The following WNK3 variants were observed in gnomAD, a reference collection of about 807,000 sequenced individuals.
WNK3 encodes serine/threonine-protein kinase WNK3.
A neutral mutation model predicts 116.7 loss-of-function variants in WNK3; 18 were observed. The observed-to-expected ratio is 0.15, with a 90% CI of 0.11 to 0.23. WNK3 has a LOEUF of 0.23. WNK3 is among the 10% of genes least tolerant of loss of function. The probability of loss-of-function intolerance (pLI) is 1.00; values close to 1 mark genes in which losing one functional copy is unlikely to be tolerated. For synonymous variants in WNK3, 404 were observed against 469.4 expected, an observed-to-expected ratio of 0.86 and a Z score of 1.80; for missense variants, 993 against 1,323.8, an observed-to-expected ratio of 0.75 and a Z score of 3.88.
intron 11 of WNK3, 58 bp downstream of exon 11, chrX:54,259,216 G>A: frequency 1.2e-6 from 1 of 815,781 alleles, no homozygotes; most frequent in Non-Finnish European, 1.8e-6. Context: ...CACCTAATGA[G>A]TAAACAAACT....
chrX:54,278,774 A>G (rs2068479744), intron 10 of WNK3, among the ~76,000 whole-genome samples: 1 of 112,249 alleles, frequency 8.9e-6, no homozygotes, highest in Non-Finnish European at 1.9e-5. Context: ...TCTAACTTAA[A>G]AAAACATTAA....
At position 54,348,166 on chromosome X, in the gene WNK3, G is replaced by A. The variant is rs782202899; in HGVS notation, c.-120+9520C>T. On this transcript the variant is annotated intron_variant, in intron 1 of 23. Coordinates refer to ENST00000354646, the Ensembl canonical transcript of WNK3. ...TGTGTGTGTGTGTATCCCTGAACTA[G>A]AATTGCTAGATCAAAGGAAATTTTT... 2.8e-5 allele frequency among the ~76,000 whole-genome samples: 3 copies of A among 108,596 alleles called. No homozygotes were observed. In the South Asian group the frequency reaches 1.2e-3, roughly 44 times the overall value. The allele number at this position is 108,596 out of a possible 115,157, so 94.3% of individuals were successfully genotyped here.
intron 2 of WNK3, among the ~76,000 whole-genome samples, chrX:54,315,041 A>C (rs1347445292): frequency 9.0e-6 from 1 of 110,584 alleles, no homozygotes; most frequent in East Asian, 2.8e-4. Flanking sequence ...CATGCCTGTA[A>C]TATCAGTACT....
chrX:54,342,864 T>G (rs2069347584), intron 1 of WNK3, among the ~76,000 whole-genome samples: 1 of 109,305 alleles, frequency 9.1e-6, no homozygotes, highest in African/African-American at 3.3e-5. Flanking sequence ...TTTCTTTTTT[T>G]TGAGATAGGG....
intron 1 of WNK3, among the ~76,000 whole-genome samples, chrX:54,355,402 G>A: frequency 9.0e-6 from 1 of 111,017 alleles, no homozygotes; most frequent in Middle Eastern, 4.6e-3. Flanking sequence ...TTTCCTACCT[G>A]CCTCCCAACC....
At chrX:54,335,646 A>T (rs1429359869) in intron 1 of WNK3, among the ~76,000 whole-genome samples, 1 of 112,235 alleles carries the variant, frequency 8.9e-6, no homozygotes, top group Admixed American at 9.5e-5. Context: ...AAGAAAAAAA[A>T]CCTTGAACTA....
rs917116196 is a variant in WNK3 at position 54,253,859 on chromosome X, G to A, written c.2367+100C>T. On this transcript the variant is annotated intron_variant, in intron 13 of 23. Transcript: ENST00000354646. ...TCTGTACAAAATTTTAAAACTAATC[G>A]TACTCTAAAAAACAATGGCTCAAAA... 6.7e-5 allele frequency: 39 copies of A among 580,072 alleles called. No individual in the cohort carries two copies. The Middle Eastern group carries it at 2.4e-3, about 35-fold the overall frequency. The allele number at this position is 580,072 out of a possible 1,213,427, so 47.8% of individuals were successfully genotyped here.
chrX:54,288,888 T>A (rs1391380497), intron 10 of WNK3, among the ~76,000 whole-genome samples: 3 of 112,057 alleles, frequency 2.7e-5, no homozygotes, highest in African/African-American at 9.7e-5. Context: ...TAACTTCTGA[T>A]GTGCAGAGTT....
intron 1 of WNK3, among the ~76,000 whole-genome samples, chrX:54,342,402 C>T (rs1368915651): frequency 9.1e-6 from 1 of 110,356 alleles, no homozygotes; most frequent in African/African-American, 3.3e-5. Flanking sequence ...CCTGTCTTTA[C>T]TAAAAATACA....
At chrX:54,314,779 T>A (rs1191458732) in intron 2 of WNK3, among the ~76,000 whole-genome samples, 1 of 111,392 alleles carries the variant, frequency 9.0e-6, no homozygotes, top group Non-Finnish European at 1.9e-5. Flanking sequence ...TGAGATGCTG[T>A]CTCAAAAAAC....
intron 10 of WNK3, among the ~76,000 whole-genome samples, chrX:54,287,557 T>A (rs2068593962): frequency 8.9e-6 from 1 of 112,203 alleles, no homozygotes; most frequent in South Asian, 3.7e-4. Context: ...TATAATTTCC[T>A]TTTTATAGTG....
At chrX:54,259,119 CA>C (rs58139835) in intron 11 of WNK3, among the ~76,000 whole-genome samples, 154 bp downstream of exon 11, 10,656 of 45,174 alleles carry the variant, frequency 0.24, 1,282 homozygotes, top group African/African-American at 0.47. Context: ...CATAAAAAAG[CA>C]AAAAAAAAAA....
At chrX:54,301,246 A>AC (rs2068755051) in intron 6 of WNK3, among the ~76,000 whole-genome samples, 1 of 108,226 alleles carries the variant, frequency 9.2e-6, no homozygotes, top group Non-Finnish European at 1.9e-5. Flanking sequence ...CTGTCTCAAA[A>AC]AAAAAAAAAA....
rs868951969 is a variant in WNK3 at position 54,345,275 on chromosome X, T to A, written c.-119-11483A>T. On this transcript the variant is annotated intron_variant, in intron 1 of 23. Transcript: ENST00000354646. ...CAACAACAACAACAACAACAACAACTATATATATATGTATGTATGTATGTA... is the reference window on the plus strand; with the variant it reads ...CAACAACAACAACAACAACAACAACAATATATATATGTATGTATGTATGTA... Among the ~76,000 whole-genome samples the A allele has an allele frequency of 1.5e-3, 96 of 65,166 alleles. 1 individual carries two copies. The highest frequency in any genetic ancestry group is 4.1e-3 in the African/African-American group (75 of 18,382). The allele number at this position is 65,166 out of a possible 115,157, so 56.6% of individuals were successfully genotyped here. A position where few individuals can be genotyped will look rare whatever the true frequency, so the allele number is the denominator to read the frequency against.
At chrX:54,269,834 T>C (rs1402366959) in intron 10 of WNK3, among the ~76,000 whole-genome samples, 2 of 110,706 alleles carry the variant, frequency 1.8e-5, no homozygotes, top group Non-Finnish European at 3.8e-5. Flanking sequence ...TTCATGAAGA[T>C]ATATATATAT....
At chrX:54,279,815 A>C (rs1443340832) in intron 10 of WNK3, among the ~76,000 whole-genome samples, 4 of 111,822 alleles carry the variant, frequency 3.6e-5, no homozygotes, top group African/African-American at 1.3e-4. Flanking sequence ...TACACTATAA[A>C]TATATGCATT....
chrX:54,249,364 G>A (rs1264342536), exon 17 of WNK3: 16 of 1,210,439 alleles, frequency 1.3e-5, no homozygotes, highest in Non-Finnish European at 1.8e-5. Context: ...TGCTTGTTTG[G>A]TGAGTCCCTC....
chrX:54,349,782 G>T (rs1003477028), intron 1 of WNK3, among the ~76,000 whole-genome samples: 5 of 111,519 alleles, frequency 4.5e-5, no homozygotes, highest in Admixed American at 2.9e-4. Context: ...GGGACACTAG[G>T]CCAGGAGAAT....
intron 21 of WNK3, among the ~76,000 whole-genome samples, 168 bp from the exon 22 acceptor site, chrX:54,228,911 G>A (rs1250617060): frequency 3.6e-5 from 4 of 111,303 alleles, no homozygotes; most frequent in African/African-American, 1.3e-4. Context: ...TTTCTCCTTG[G>A]AAGAACAAGG....
Sources: allele counts gnomAD v4.1 joint callset (sites outside exome capture counted in the v4.1 genomes callset), GRCh38; gene constraint gnomAD v4.1.1; transcripts MANE v1.5; gene names NCBI Gene and HGNC (gene_info 2026-07-23, HGNC 2026-07-21).